ZCCHC14: variants seen among roughly 807,000 people sequenced by gnomAD.
ZCCHC14 encodes zinc finger CCHC domain-containing protein 14.
Under a neutral mutation model 85.0 loss-of-function variants are expected in ZCCHC14, and 16 were observed. The observed-to-expected ratio is 0.19, with a 90% CI of 0.13 to 0.29. The LOEUF is 0.29. ZCCHC14 is among the 10% of genes least tolerant of loss of function. The probability of loss-of-function intolerance (pLI) is 1.00; values close to 1 mark genes in which losing one functional copy is unlikely to be tolerated. For missense variants in ZCCHC14, 1,303 were observed against 1,443.5 expected (o/e 0.90, Z 1.58); for synonymous variants, 775 against 630.7 (o/e 1.23, Z -3.43).
intron 2 of ZCCHC14, among the ~76,000 whole-genome samples, chr16:87,443,389 C>T (rs1001501138): frequency 6.6e-6 from 1 of 152,096 alleles, no homozygotes; most frequent in Non-Finnish European, 1.5e-5. Flanking sequence ...GTCAAGTGAG[C>T]CTTTTATTTG....
chr16:87,457,691 A>C (rs1911043027), intron 2 of ZCCHC14, among the ~76,000 whole-genome samples: 1 of 152,228 alleles, frequency 6.6e-6, no homozygotes, highest in Non-Finnish European at 1.5e-5. Context: ...GAAGTAGGAT[A>C]CAGAAAAGAC....
chr16:87,410,315 C>A lies in ZCCHC14; in HGVS notation c.3226G>T (p.Ala1076Ser). The A allele has an allele frequency of 1.3e-6, 1 of 774,880 alleles. No individual in the cohort carries two copies. The highest frequency in any genetic ancestry group is 2.4e-6 in the Non-Finnish European group (1 of 415,766). 48.0% of individuals were successfully genotyped at this position (774,880 alleles called of 1,614,324 possible). ...NRPGTFRLKY[A>S]PPAESLDSTD ...GAGTCCAGACTTTCTGCTGGAGGGGCGTATTTCAACCTAAAAGTACCTAGA... is the reference window on the plus strand; with the variant it reads ...GAGTCCAGACTTTCTGCTGGAGGGGAGTATTTCAACCTAAAAGTACCTAGA... Residue 1076 changes from alanine (A) to serine (S), a missense_variant, in exon 13 of 13, where the codon GCC (alanine) becomes TCC (serine). Ala to Ser is a moderately conservative substitution (Grantham distance 99, BLOSUM62 1). This residue lies in a region of ZCCHC14 where 797 missense variants were observed against 730.8 expected (regional missense o/e 1.09). Coordinates refer to ENST00000671377, the MANE Select transcript of ZCCHC14 (RefSeq NM_015144.3).
chr16:87,440,943 G>A (rs1026625928), intron 2 of ZCCHC14, among the ~76,000 whole-genome samples: 3 of 151,428 alleles, frequency 2.0e-5, no homozygotes, highest in Non-Finnish European at 2.9e-5. Context: ...TGAAAGCATA[G>A]AAATACTCTC....
intron 1 of ZCCHC14, among the ~76,000 whole-genome samples, chr16:87,478,367 G>A (rs1047270741): frequency 1.3e-5 from 2 of 152,160 alleles, no homozygotes; most frequent in African/African-American, 4.8e-5. Flanking sequence ...ATCAGTGGTG[G>A]AAAACAATAG....
chr16:87,411,730 T>C lies in ZCCHC14; in HGVS notation c.2991A>G (p.Pro997=), dbSNP rs760587877. The C allele has an allele frequency of 3.1e-6, 5 of 1,613,814 alleles. No individual in the cohort carries two copies. In the African/African-American group the frequency reaches 6.7e-5, roughly 22 times the overall value. ...VHAPYSSSGT[P]DPVLSGQSTF... ...TGGACTGCCCACTCAGGACAGGGTC[T>C]GGGGTCCCGCTGCTGCTGTAAGGGG... The change falls in exon 12 of 13, where the codon CCA becomes CCG. Residue 997 remains proline (P), a synonymous_variant. Transcript: ENST00000671377.
At chr16:87,453,228 C>G (rs1910790600) in intron 2 of ZCCHC14, among the ~76,000 whole-genome samples, 1 of 152,238 alleles carries the variant, frequency 6.6e-6, no homozygotes, top group South Asian at 2.1e-4. Flanking sequence ...GTGGCATGAC[C>G]TGGGCCCGCT....
At position 87,425,249 on chromosome 16, in the gene ZCCHC14, C is replaced by A. The variant is rs904205660; in HGVS notation, c.769-1368G>T. 3.3e-5 allele frequency among the ~76,000 whole-genome samples: 5 copies of A among 152,202 alleles called. No individual in the cohort carries two copies. The East Asian group carries it at 9.6e-4, about 29-fold the overall frequency. ...CTGGAACTAACGGCTGCAAGGCGTG[C>A]ACCTTGCCACCCAGAATCTTCCACA... On this transcript the variant is annotated intron_variant, in intron 3 of 12. Transcript: ENST00000671377.
chr16:87,424,855 C>G (rs1356923049), intron 3 of ZCCHC14, among the ~76,000 whole-genome samples: 2 of 152,156 alleles, frequency 1.3e-5, no homozygotes, highest in African/African-American at 4.8e-5. Context: ...GCACCAAATG[C>G]AAATTGCACT....
intron 1 of ZCCHC14, among the ~76,000 whole-genome samples, chr16:87,478,906 A>G (rs1307790989): frequency 6.6e-6 from 1 of 152,022 alleles, no homozygotes; most frequent in Non-Finnish European, 1.5e-5. Context: ...CACCCGGCCA[A>G]TTTTACTAAT....
chr16:87,445,674 C>A (rs1910401361), intron 2 of ZCCHC14, among the ~76,000 whole-genome samples: 1 of 152,162 alleles, frequency 6.6e-6, no homozygotes, highest in African/African-American at 2.4e-5. Flanking sequence ...GTGGGCTCAG[C>A]CGCTACGACT....
intron 2 of ZCCHC14, among the ~76,000 whole-genome samples, chr16:87,447,642 A>C (rs1471928874): frequency 1.3e-5 from 2 of 152,162 alleles, no homozygotes; most frequent in Admixed American, 6.6e-5. Context: ...GTTTGGGGCT[A>C]TTATGCATAA....
chr16:87,422,552 G>A (rs1291509849), intron 4 of ZCCHC14, among the ~76,000 whole-genome samples: 1 of 149,420 alleles, frequency 6.7e-6, no homozygotes, highest in Admixed American at 6.6e-5. Flanking sequence ...TGGTGAAACT[G>A]TCTCTACTAA....
chr16:87,479,525 T>G (rs1912172998), intron 1 of ZCCHC14, among the ~76,000 whole-genome samples: 1 of 152,190 alleles, frequency 6.6e-6, no homozygotes, highest in Admixed American at 6.5e-5. Context: ...TAATGCTCCC[T>G]TCTAAAGAGT....
chr16:87,428,116 A>G (rs534873952), intron 3 of ZCCHC14, among the ~76,000 whole-genome samples: 1 of 152,276 alleles, frequency 6.6e-6, no homozygotes, highest in East Asian at 1.9e-4. Context: ...ACGAGGAACT[A>G]GCGATTATAA....
rs1024677543 is a variant in ZCCHC14 at position 87,409,547 on chromosome 16, C to G, written c.*733G>C. ...TTAAGTTGTTGCGAGTAAACTATTT[C>G]TATTTAATAACGTAGTTTAGATTTA... On this transcript the variant is annotated 3_prime_UTR_variant, in exon 13 of 13. Coordinates refer to ENST00000671377, the MANE Select transcript of ZCCHC14 (RefSeq NM_015144.3). 16 of 152,364 alleles carry G rather than the reference C, an allele frequency of 1.1e-4. No individual in the cohort carries two copies. The highest frequency in any genetic ancestry group is 3.9e-4 in the African/African-American group (16 of 41,438). 9.4% of individuals were successfully genotyped at this position (152,364 alleles called of 1,614,324 possible). A position where few individuals can be genotyped will look rare whatever the true frequency, so the allele number is the denominator to read the frequency against.
chr16:87,490,131 G>C (rs1052357885), intron 1 of ZCCHC14, among the ~76,000 whole-genome samples: 5 of 152,042 alleles, frequency 3.3e-5, no homozygotes, highest in Non-Finnish European at 7.3e-5. Flanking sequence ...GGAGGTAAAT[G>C]TCACACACAC....
At chr16:87,435,202 C>G (rs912516173) in intron 2 of ZCCHC14, among the ~76,000 whole-genome samples, 1 of 152,132 alleles carries the variant, frequency 6.6e-6, no homozygotes, top group Non-Finnish European at 1.5e-5. Context: ...TCTGTGCACA[C>G]GCTCTGGGGA....
intron 2 of ZCCHC14, among the ~76,000 whole-genome samples, chr16:87,442,108 C>T (rs1407694145): frequency 6.6e-6 from 1 of 152,236 alleles, no homozygotes; most frequent in African/African-American, 2.4e-5. Flanking sequence ...TTCAGGGAAG[C>T]AACCCCGTGG....
chr16:87,473,350 G>C (rs961552004), intron 1 of ZCCHC14: 1 of 152,206 alleles, frequency 6.6e-6, no homozygotes, highest in East Asian at 1.9e-4. Context: ...TAACAGGCAG[G>C]CGCCACCACA....
Sources: gnomAD v4.1 joint callset for allele counts (sites outside exome capture counted in the v4.1 genomes callset) on GRCh38, gnomAD v4.1.1 for gene constraint, gnomAD v4.1.1 regional missense constraint, MANE v1.5 for transcripts, NCBI Gene and HGNC (gene_info 2026-07-23, HGNC 2026-07-21) for gene names.